CYP4X1: variants seen among roughly 807,000 people sequenced by gnomAD.
CYP4X1 encodes cytochrome P450 4X1.
Under a neutral mutation model 57.9 loss-of-function variants are expected in CYP4X1, and 44 were observed. The ratio of observed to expected loss-of-function variants is 0.76; its 90% CI spans 0.60 to 0.98. The LOEUF is 0.98. Ranked by LOEUF, CYP4X1 falls within the 50% of genes least tolerant of loss-of-function variation. The pLI, the probability that CYP4X1 is intolerant of heterozygous loss-of-function variation, is 0.00. For missense variants in CYP4X1, 532 were observed against 623.9 expected, an observed-to-expected ratio of 0.85 and a Z score of 1.57; for synonymous variants, 227 against 228.6, an observed-to-expected ratio of 0.99 and a Z score of 0.06.
chr1:47,001,470 C>A, the CYP4X1 span, among the ~76,000 whole-genome samples: 2 of 152,086 alleles, frequency 1.3e-5, no homozygotes, highest in Non-Finnish European at 2.9e-5. Flanking sequence ...TATAGGGAGA[C>A]CGACAGGCAC....
chr1:46,970,596 C>T, the CYP4X1 span, among the ~76,000 whole-genome samples: 3,752 of 152,254 alleles, frequency 0.025, 83 homozygotes, highest in Non-Finnish European at 0.038. Flanking sequence ...AGTTTATAGA[C>T]TAATCATTAA....
chr1:47,054,512 T>C (rs1460680503), downstream of CYP4X1, among the ~76,000 whole-genome samples: 5 of 152,016 alleles, frequency 3.3e-5, no homozygotes, highest in African/African-American at 1.2e-4. Flanking sequence ...CCTTGGGCAG[T>C]ATGGCCATTT....
At chr1:46,998,416 G>T in the CYP4X1 span, among the ~76,000 whole-genome samples, 1 of 152,024 alleles carries the variant, frequency 6.6e-6, no homozygotes, top group Non-Finnish European at 1.5e-5. Context: ...TTGCCCATTT[G>T]TAAATAGAGT....
At chr1:46,987,592 C>T in the CYP4X1 span, among the ~76,000 whole-genome samples, 727 of 152,310 alleles carry the variant, frequency 4.8e-3, 9 homozygotes, top group East Asian at 0.045. Context: ...TTCTTCTCAG[C>T]ACCACATTGC....
chr1:46,981,849 G>T, the CYP4X1 span, among the ~76,000 whole-genome samples: 56 of 152,250 alleles, frequency 3.7e-4, 2 homozygotes, highest in South Asian at 0.011. Flanking sequence ...AGATGAAGCT[G>T]GCAACCATCA....
the CYP4X1 span, among the ~76,000 whole-genome samples, chr1:46,975,875 T>G: frequency 6.6e-6 from 1 of 152,140 alleles, no homozygotes; most frequent in Non-Finnish European, 1.5e-5. Context: ...ATTTTTTTTC[T>G]TTATTTTTAT....
the CYP4X1 span, among the ~76,000 whole-genome samples, chr1:46,985,978 A>T: frequency 6.6e-6 from 1 of 152,162 alleles, no homozygotes; most frequent in Non-Finnish European, 1.5e-5. Context: ...AAATGATCAC[A>T]ACTCCTCACC....
chr1:47,017,449 A>T, the CYP4X1 span, among the ~76,000 whole-genome samples: 4 of 151,820 alleles, frequency 2.6e-5, no homozygotes, highest in Non-Finnish European at 4.4e-5. Flanking sequence ...GAACACTTTG[A>T]CAAGAGCAAA....
At chr1:47,039,243 T>A in intron 7 of CYP4X1, 99 bp from the exon 8 acceptor site, 1 of 1,135,268 alleles carries the variant, frequency 8.8e-7, no homozygotes, top group Non-Finnish European at 1.2e-6. Flanking sequence ...AACCCCTATT[T>A]AAAGCTCTGA....
At chr1:46,984,470 A>G in the CYP4X1 span, among the ~76,000 whole-genome samples, 7 of 151,988 alleles carry the variant, frequency 4.6e-5, no homozygotes, top group Admixed American at 1.3e-4. Flanking sequence ...AGATCAATGC[A>G]GAATGTGGGT....
chr1:47,001,053 C>G, the CYP4X1 span: 1 of 233,194 alleles, frequency 4.3e-6, no homozygotes, highest in Non-Finnish European at 9.8e-6. Context: ...TAAGCTCGTT[C>G]ATGGCAAATT....
At chr1:46,977,824 C>T in the CYP4X1 span, among the ~76,000 whole-genome samples, 204 of 152,106 alleles carry the variant, frequency 1.3e-3, 5 homozygotes, top group East Asian at 0.036. Context: ...CAATATTCAA[C>T]ATTCTTAAAA....
rs368977020 is a variant in CYP4X1, at chr1:47,046,488, G to C, written c.1095G>C (p.Ser365=). 3 of 1,614,040 alleles carry C rather than the reference G, an allele frequency of 1.9e-6. No homozygotes were observed. Among genetic ancestry groups the C allele is most frequent in the South Asian group, 1.1e-5 (1 of 91,068 alleles). ...ACAGGGACCAGCTGGGTGAGATGTC[G>C]TACACCACAATGTGCATCAAGGAGA... is the stretch of plus-strand genomic sequence containing the variant. ...SITWDQLGEM[S]YTTMCIKETC... is the part of the protein sequence containing the mutation. Residue 365 remains serine, a synonymous_variant, in exon 9 of 12, where the codon TCG becomes TCC. Coordinates refer to ENST00000371901, the MANE Select transcript of CYP4X1 (RefSeq NM_178033.2).
At chr1:47,046,637 T>C in intron 9 of CYP4X1, 37 bp downstream of exon 9, 2 of 1,613,788 alleles carry the variant, frequency 1.2e-6, no homozygotes, top group East Asian at 2.2e-5. Flanking sequence ...TCTTAGAGGC[T>C]ATGGGATCCT....
At chr1:46,976,755 A>T in the CYP4X1 span, among the ~76,000 whole-genome samples, 1 of 152,138 alleles carries the variant, frequency 6.6e-6, no homozygotes, top group African/African-American at 2.4e-5. Flanking sequence ...TTTCAGAGGA[A>T]GGATCAGGCA....
chr1:47,002,778 C>A, the CYP4X1 span, among the ~76,000 whole-genome samples: 1 of 152,268 alleles, frequency 6.6e-6, no homozygotes. Flanking sequence ...GGTTTATTGT[C>A]CTCATTTTGG....
chr1:46,999,025 T>TG, the CYP4X1 span, among the ~76,000 whole-genome samples: 7,474 of 91,788 alleles, frequency 0.081, 432 homozygotes, highest in African/African-American at 0.19. Context: ...GCTTGCTTTC[T>TG]TTGTGTGTGT....
chr1:47,036,370 T>TATATATATATA lies in CYP4X1; in HGVS notation c.775+199_775+200insATATATATATA, dbSNP rs1553152516. Among the ~76,000 whole-genome samples, 680 of 129,820 alleles carry TATATATATATA rather than the reference T, an allele frequency of 5.2e-3. 19 individuals are homozygous for TATATATATATA. The highest frequency in any genetic ancestry group is 0.046 in the East Asian group (129 of 2,794). The allele number at this position is 129,820 out of a possible 152,430, so 85.2% of individuals were successfully genotyped here. On this transcript the variant is annotated intron_variant, in intron 6 of 11. Transcript: ENST00000371901. ...AACCATAGCAGTATTATCAGAATTT[T>TATATATATATA]TATATATATATATATACACTATTTT...
chr1:47,029,432 G>A (rs1341990497), intron 1 of CYP4X1, among the ~76,000 whole-genome samples: 1 of 152,180 alleles, frequency 6.6e-6, no homozygotes, highest in Admixed American at 6.5e-5. Context: ...CTGTGTAAAT[G>A]GACCTTCTGT....
Sources: allele counts gnomAD v4.1 joint callset (sites outside exome capture counted in the v4.1 genomes callset), GRCh38; gene constraint gnomAD v4.1.1; transcripts MANE v1.5; gene names NCBI Gene and HGNC (gene_info 2026-07-23, HGNC 2026-07-21).